Variants in PIK3C2G observed in about 807,000 individuals in gnomAD.
PIK3C2G encodes the protein phosphatidylinositol-4-phosphate 3-kinase catalytic subunit type 2 gamma, also known as phosphatidylinositol 3-kinase C2 domain-containing subunit gamma.
A neutral mutation model predicts 181.1 loss-of-function variants in PIK3C2G; 168 were observed. The ratio of observed to expected loss-of-function variants is 0.93; its 90% CI spans 0.82 to 1.05. The LOEUF (loss-of-function observed/expected upper bound fraction) is 1.05, where lower values mean the gene tolerates loss of function less well. Among genes scored for constraint, PIK3C2G ranks in the 50% least tolerant of loss-of-function variants. The probability of loss-of-function intolerance (pLI) is 0.00; values close to 1 mark genes in which losing one functional copy is unlikely to be tolerated. For synonymous variants in PIK3C2G, 573 were observed against 592.2 expected (o/e 0.97, Z 0.47); for missense variants, 1,869 against 1,732.8 (o/e 1.08, Z -1.40).
At chr12:18,573,961 T>C (rs1946105126) in intron 29 of PIK3C2G, among the ~76,000 whole-genome samples, 1 of 152,168 alleles carries the variant, frequency 6.6e-6, no homozygotes, top group South Asian at 2.1e-4. Context: ...CTGTCCCATC[T>C]CACATGTGGA....
intron 24 of PIK3C2G, among the ~76,000 whole-genome samples, chr12:18,526,378 G>A (rs1454372451): frequency 6.6e-6 from 1 of 152,110 alleles, no homozygotes; most frequent in East Asian, 1.9e-4. Flanking sequence ...TATCATCTGA[G>A]TTTTCTAGAA....
At chr12:18,248,797 C>G (rs1328006047) in intron 1 of PIK3C2G, among the ~76,000 whole-genome samples, 1 of 152,116 alleles carries the variant, frequency 6.6e-6, no homozygotes, top group African/African-American at 2.4e-5. Context: ...TATTACTCAA[C>G]ATAAATGTGT....
chr12:18,495,027 G>A (rs755930990), intron 20 of PIK3C2G, among the ~76,000 whole-genome samples: 6 of 151,916 alleles, frequency 3.9e-5, no homozygotes, highest in Admixed American at 1.3e-4. Context: ...GTAAGCAAGG[G>A]TTTGTGTTTA....
chr12:18,659,758 T>C, the PIK3C2G span, among the ~76,000 whole-genome samples: 1 of 151,832 alleles, frequency 6.6e-6, no homozygotes, highest in Non-Finnish European at 1.5e-5. Flanking sequence ...CGTGCCATAT[T>C]GGTGTGCTGC....
chr12:18,329,135 TA>T (rs1440881314), intron 8 of PIK3C2G, among the ~76,000 whole-genome samples: 3 of 151,866 alleles, frequency 2.0e-5, no homozygotes, highest in Non-Finnish European at 4.4e-5. Context: ...ATAAAAAAAT[TA>T]AAAGTAGATT....
intron 28 of PIK3C2G, among the ~76,000 whole-genome samples, chr12:18,564,285 T>G (rs1370365343): frequency 6.6e-6 from 1 of 151,964 alleles, no homozygotes; most frequent in Non-Finnish European, 1.5e-5. Context: ...AGGTGTATCT[T>G]GATTTTAAAA....
chr12:18,445,881 T>C (rs1946994911), intron 18 of PIK3C2G, among the ~76,000 whole-genome samples: 1 of 152,180 alleles, frequency 6.6e-6, no homozygotes, highest in Non-Finnish European at 1.5e-5. Flanking sequence ...TGCAATTGCA[T>C]AGAACATCTC....
intron 18 of PIK3C2G, among the ~76,000 whole-genome samples, chr12:18,432,439 C>T (rs1592245133): frequency 1.3e-5 from 2 of 152,208 alleles, no homozygotes; most frequent in African/African-American, 4.8e-5. Flanking sequence ...TTATAATAAC[C>T]ACATCCAATT....
chr12:18,487,953 A>G (rs1266148009), intron 18 of PIK3C2G, among the ~76,000 whole-genome samples: 1 of 152,138 alleles, frequency 6.6e-6, no homozygotes, highest in Non-Finnish European at 1.5e-5. Flanking sequence ...TGCCTTTACA[A>G]TACCTTCCTC....
chr12:18,623,387 T>C (rs966552023), intron 31 of PIK3C2G, among the ~76,000 whole-genome samples: 9 of 151,784 alleles, frequency 5.9e-5, no homozygotes, highest in Admixed American at 6.6e-5. Context: ...ATCTGTTCCA[T>C]TGGGTTGATA....
At chr12:18,293,447 T>C (rs1224926396) in intron 4 of PIK3C2G, among the ~76,000 whole-genome samples, 1 of 152,172 alleles carries the variant, frequency 6.6e-6, no homozygotes, top group Non-Finnish European at 1.5e-5. Flanking sequence ...TTTATTGCAG[T>C]TAATTCAGAA....
At chr12:18,387,978 C>T (rs116527990) in intron 14 of PIK3C2G, among the ~76,000 whole-genome samples, 184 of 152,246 alleles carry the variant, frequency 1.2e-3, no homozygotes, top group African/African-American at 4.3e-3. Context: ...CTCACTCATT[C>T]GAAGTATTTT....
intron 15 of PIK3C2G, among the ~76,000 whole-genome samples, chr12:18,394,487 G>T (rs535526096): frequency 1.1e-4 from 16 of 152,106 alleles, no homozygotes; most frequent in African/African-American, 3.9e-4. Flanking sequence ...AGAGGAAGTG[G>T]TTAATAGAAA....
chr12:18,390,093 T>G (rs1271391556), intron 14 of PIK3C2G, among the ~76,000 whole-genome samples: 14 of 152,200 alleles, frequency 9.2e-5, no homozygotes, highest in Admixed American at 9.2e-4. Context: ...ACTTGTTTAT[T>G]TTATCATGTT....
At chr12:18,538,391 G>T in intron 25 of PIK3C2G, 79 bp downstream of exon 25, 3 of 1,249,556 alleles carry the variant, frequency 2.4e-6, no homozygotes, top group Non-Finnish European at 3.3e-6. Context: ...TTTACTAATG[G>T]CTTGGAGTTC....
upstream of PIK3C2G, among the ~76,000 whole-genome samples, chr12:18,257,628 G>C (rs1413331139): frequency 6.7e-6 from 1 of 148,640 alleles, no homozygotes; most frequent in African/African-American, 2.5e-5. Context: ...GTACACGAGA[G>C]GGAAAGAAAA....
chr12:18,260,221 A>G (rs1375261702), upstream of PIK3C2G, among the ~76,000 whole-genome samples: 2 of 152,044 alleles, frequency 1.3e-5, no homozygotes, highest in Non-Finnish European at 2.9e-5. Flanking sequence ...TAGATCCAAA[A>G]TGTTTCAATT....
intron 13 of PIK3C2G, among the ~76,000 whole-genome samples, chr12:18,372,947 T>A (rs1275733378): frequency 6.6e-6 from 1 of 152,054 alleles, no homozygotes; most frequent in Non-Finnish European, 1.5e-5. Flanking sequence ...GCGTCAAAAT[T>A]GTAGACAATG....
the PIK3C2G span, chr12:18,713,101 A>AT: frequency 4.5e-6 from 6 of 1,336,524 alleles, no homozygotes; most frequent in Non-Finnish European, 5.2e-6. Context: ...AAATGAGTCC[A>AT]TAAAACTCTA....
Sources: allele counts gnomAD v4.1 joint callset (sites outside exome capture counted in the v4.1 genomes callset), GRCh38; gene constraint gnomAD v4.1.1; transcripts MANE v1.5; gene names NCBI Gene and HGNC (gene_info 2026-07-23, HGNC 2026-07-21).